OXR1: variants seen among roughly 807,000 people sequenced by gnomAD.
The protein encoded by OXR1 is oxidation resistance protein 1.
In OXR1, 41 loss-of-function variants were observed where a neutral mutation model predicts 104.6. The ratio of observed to expected loss-of-function variants is 0.39; its 90% CI spans 0.31 to 0.51. The LOEUF (loss-of-function observed/expected upper bound fraction) is 0.51, where lower values mean the gene tolerates loss of function less well. OXR1 is among the 20% of genes least tolerant of loss of function. The pLI is 0.77. For missense variants in OXR1, 955 were observed against 1,031.9 expected, an observed-to-expected ratio of 0.93 and a Z score of 1.02; for synonymous variants, 348 against 348.4, an observed-to-expected ratio of 1.00 and a Z score of 0.01.
intron 2 of OXR1, among the ~76,000 whole-genome samples, chr8:106,433,220 A>G (rs1789975): frequency 0.53 from 80,764 of 152,026 alleles, 25,217 homozygotes; most frequent in African/African-American, 0.86. Flanking sequence ...ATAGGGGGCC[A>G]AAGTTAGGTT....
chr8:106,274,980 A>G (rs1306804472), intron 1 of OXR1, among the ~76,000 whole-genome samples: 1 of 152,244 alleles, frequency 6.6e-6, no homozygotes, highest in Non-Finnish European at 1.5e-5. Flanking sequence ...ACTCAGCAGT[A>G]GCAGGTTCTG....
intron 3 of OXR1, among the ~76,000 whole-genome samples, chr8:106,589,735 C>T (rs1446031735): frequency 1.3e-5 from 2 of 151,946 alleles, no homozygotes; most frequent in African/African-American, 2.4e-5. Flanking sequence ...GGCATGAACT[C>T]GGCTCACTGC....
intron 3 of OXR1, among the ~76,000 whole-genome samples, chr8:106,652,992 C>A (rs898935213): frequency 2.3e-4 from 34 of 147,140 alleles, no homozygotes; most frequent in African/African-American, 8.3e-4. Flanking sequence ...CTATGAACAA[C>A]AAATTAGATG....
intron 2 of OXR1, among the ~76,000 whole-genome samples, chr8:106,510,957 A>T (rs1163441235): frequency 6.6e-6 from 1 of 152,220 alleles, no homozygotes; most frequent in Non-Finnish European, 1.5e-5. Flanking sequence ...GCAAAAGTAG[A>T]TTGAGTAATT....
At chr8:106,375,159 T>C (rs1236448609) in intron 2 of OXR1, among the ~76,000 whole-genome samples, 2 of 152,226 alleles carry the variant, frequency 1.3e-5, no homozygotes, top group African/African-American at 4.8e-5. Flanking sequence ...AGAATCAGGC[T>C]CATTGAAATT....
intron 1 of OXR1, among the ~76,000 whole-genome samples, chr8:106,324,576 C>T (rs1814381494): frequency 1.3e-5 from 2 of 150,992 alleles, no homozygotes; most frequent in Admixed American, 6.6e-5. Context: ...AACTCTCTGG[C>T]AATACATGTT....
chr8:106,480,444 C>T (rs1003250765), intron 2 of OXR1, among the ~76,000 whole-genome samples: 4 of 151,968 alleles, frequency 2.6e-5, no homozygotes, highest in African/African-American at 9.7e-5. Flanking sequence ...AATAATTCTC[C>T]TTTTTTTCCT....
chr8:106,325,188 C>T (rs1185264499), intron 1 of OXR1, among the ~76,000 whole-genome samples: 2 of 152,166 alleles, frequency 1.3e-5, no homozygotes, highest in East Asian at 1.9e-4. Flanking sequence ...CAATGAATTG[C>T]TTGTCCTAAT....
chr8:106,542,724 G>A (rs899045189), intron 3 of OXR1, among the ~76,000 whole-genome samples: 6 of 151,844 alleles, frequency 4.0e-5, no homozygotes, highest in Admixed American at 6.6e-5. Context: ...CAATAACCAC[G>A]AAGTAGTATC....
chr8:106,459,532 C>G (rs1308766096), intron 2 of OXR1, among the ~76,000 whole-genome samples: 1 of 151,984 alleles, frequency 6.6e-6, no homozygotes, highest in African/African-American at 2.4e-5. Flanking sequence ...CCAGCATACT[C>G]TTATCTGAAA....
intron 1 of OXR1, among the ~76,000 whole-genome samples, chr8:106,280,757 T>G: frequency 6.6e-6 from 1 of 151,986 alleles, no homozygotes; most frequent in Admixed American, 6.6e-5. Context: ...TTACCACAAT[T>G]AAAAAAAATT....
At chr8:106,384,335 A>G (rs1313181339) in intron 2 of OXR1, among the ~76,000 whole-genome samples, 1 of 152,180 alleles carries the variant, frequency 6.6e-6, no homozygotes, top group East Asian at 1.9e-4. Flanking sequence ...ATGCACACAA[A>G]GAAGTCACTG....
At chr8:106,438,637 T>A (rs913152873) in intron 2 of OXR1, among the ~76,000 whole-genome samples, 2 of 152,108 alleles carry the variant, frequency 1.3e-5, no homozygotes, top group Admixed American at 6.6e-5. Context: ...AAAATGGGGA[T>A]GAAAGTAGTG....
intron 1 of OXR1, among the ~76,000 whole-genome samples, chr8:106,295,131 A>G (rs17328712): frequency 0.066 from 10,093 of 152,256 alleles, 448 homozygotes; most frequent in Middle Eastern, 0.12. Flanking sequence ...CAAAAGGATA[A>G]TTGTGTACAC....
intron 2 of OXR1, among the ~76,000 whole-genome samples, chr8:106,419,673 T>C (rs1818825226): frequency 6.6e-6 from 1 of 152,134 alleles, no homozygotes; most frequent in Non-Finnish European, 1.5e-5. Flanking sequence ...GAGACAGGCT[T>C]TTAGTTTCTC....
At chr8:106,358,110 C>A (rs1030851306) in intron 1 of OXR1, among the ~76,000 whole-genome samples, 2 of 152,148 alleles carry the variant, frequency 1.3e-5, no homozygotes, top group African/African-American at 4.8e-5. Flanking sequence ...TTTCTTCGTC[C>A]TCCTTTCTGC....
At chr8:106,348,977 T>C (rs1298465584) in intron 1 of OXR1, among the ~76,000 whole-genome samples, 1 of 152,134 alleles carries the variant, frequency 6.6e-6, no homozygotes, top group Non-Finnish European at 1.5e-5. Context: ...AAAATTACAT[T>C]GTAATATGGA....
chr8:106,374,392 T>C (rs1306326083), intron 2 of OXR1, among the ~76,000 whole-genome samples: 1 of 152,246 alleles, frequency 6.6e-6, no homozygotes. Flanking sequence ...TCAGACAAAC[T>C]CATTTTTATT....
intron 3 of OXR1, among the ~76,000 whole-genome samples, chr8:106,522,480 G>T (rs1428339076): frequency 6.6e-6 from 1 of 152,150 alleles, no homozygotes; most frequent in African/African-American, 2.4e-5. Context: ...GTGGTTAGTT[G>T]AGTCCATAGA....
Sources: allele counts gnomAD v4.1 joint callset (sites outside exome capture counted in the v4.1 genomes callset), GRCh38; gene constraint gnomAD v4.1.1; transcripts MANE v1.5; gene names NCBI Gene and HGNC (gene_info 2026-07-23, HGNC 2026-07-21).